TBC1D5: variants seen among roughly 807,000 people sequenced by gnomAD.
TBC1D5 encodes the protein TBC1 domain family, member 5.
A neutral mutation model predicts 100.3 loss-of-function variants in TBC1D5; 75 were observed. The ratio of observed to expected loss-of-function variants is 0.75; its 90% CI spans 0.62 to 0.91. The LOEUF (loss-of-function observed/expected upper bound fraction) is 0.91, where lower values mean the gene tolerates loss of function less well. Ranked by LOEUF, TBC1D5 falls within the 40% of genes least tolerant of loss-of-function variation. TBC1D5 has a pLI of 0.00. For synonymous variants in TBC1D5, 323 were observed against 325.6 expected (o/e 0.99, Z 0.09); for missense variants, 910 against 942.4 (o/e 0.97, Z 0.45).
intron 13 of TBC1D5, among the ~76,000 whole-genome samples, chr3:17,353,420 T>C (rs541388744): frequency 6.6e-6 from 1 of 152,164 alleles, no homozygotes; most frequent in East Asian, 1.9e-4. Flanking sequence ...AATTTTGAAA[T>C]CTGTATTAGG....
At chr3:17,559,527 T>C (rs2096543864) in intron 2 of TBC1D5, among the ~76,000 whole-genome samples, 2 of 151,940 alleles carry the variant, frequency 1.3e-5, no homozygotes, top group Admixed American at 1.3e-4. Context: ...TAAGAGGAGA[T>C]AAAGATCATG....
intron 4 of TBC1D5, among the ~76,000 whole-genome samples, chr3:17,428,055 C>T (rs1257854879): frequency 6.6e-6 from 1 of 151,794 alleles, no homozygotes; most frequent in Admixed American, 6.6e-5. Flanking sequence ...CTCTTAGGCG[C>T]TCATGAGCGG....
intron 4 of TBC1D5, among the ~76,000 whole-genome samples, chr3:17,412,851 G>A (rs1164187432): frequency 1.3e-5 from 2 of 152,046 alleles, no homozygotes; most frequent in Admixed American, 6.6e-5. Context: ...ACCACTAAAG[G>A]GAAACATGAT....
chr3:17,608,126 G>A (rs796845147), intron 2 of TBC1D5, among the ~76,000 whole-genome samples: 30 of 152,202 alleles, frequency 2.0e-4, no homozygotes, highest in African/African-American at 6.0e-4. Context: ...GCATGGTGGC[G>A]CGTGCCTGTA....
chr3:17,593,861 C>A (rs866227735), intron 2 of TBC1D5, among the ~76,000 whole-genome samples: 3 of 152,276 alleles, frequency 2.0e-5, no homozygotes, highest in Middle Eastern at 6.8e-3. Context: ...GGGCAAAGTT[C>A]TCCAGAAGGC....
In TBC1D5 at chr3:17,429,063, T is replaced by C. The variant is rs188560538; in HGVS notation, c.98-544A>G. On this transcript the variant is annotated intron_variant, in intron 3 of 21. Coordinates refer to ENST00000253692, the Ensembl canonical transcript of TBC1D5. Reference sequence around the variant, plus strand: ...CTTTACAAAACTTTATCTGTTAACTTTAGGTTTCAACTGTCAAAAGTTCGG... The same window carrying C: ...CTTTACAAAACTTTATCTGTTAACTCTAGGTTTCAACTGTCAAAAGTTCGG... Among the ~76,000 whole-genome samples the C allele has an allele frequency of 1.0e-3, 154 of 152,050 alleles. 2 individuals carry two copies. The South Asian group carries it at 0.018, about 18-fold the overall frequency.
intron 2 of TBC1D5, among the ~76,000 whole-genome samples, chr3:17,614,339 C>A: frequency 6.6e-6 from 1 of 152,146 alleles, no homozygotes; most frequent in East Asian, 1.9e-4. Context: ...CAGCTTTGTT[C>A]TCTTCGCTTA....
intron 3 of TBC1D5, among the ~76,000 whole-genome samples, chr3:17,434,495 C>A (rs2094500335): frequency 6.6e-6 from 1 of 152,166 alleles, no homozygotes; most frequent in South Asian, 2.1e-4. Context: ...GCTGAAGCAG[C>A]TGGGATCCAG....
intron 8 of TBC1D5, among the ~76,000 whole-genome samples, chr3:17,401,946 C>G (rs145697848): frequency 4.2e-4 from 64 of 152,200 alleles, no homozygotes; most frequent in African/African-American, 1.4e-3. Flanking sequence ...GCTCTACTTT[C>G]TGCACCTATA....
intron 2 of TBC1D5, among the ~76,000 whole-genome samples, chr3:17,532,238 C>T (rs1203706992): frequency 6.6e-6 from 1 of 152,172 alleles, no homozygotes; most frequent in Non-Finnish European, 1.5e-5. Context: ...TGAAAAAATG[C>T]TCATCATCAC....
chr3:17,716,967 G>C (rs2075292043), intron 1 of TBC1D5, among the ~76,000 whole-genome samples: 1 of 152,140 alleles, frequency 6.6e-6, no homozygotes, highest in Non-Finnish European at 1.5e-5. Context: ...TGAGGAAAGA[G>C]GGACCTGACT....
intron 1 of TBC1D5, among the ~76,000 whole-genome samples, chr3:17,678,436 T>C (rs1469522699): frequency 1.3e-5 from 2 of 152,054 alleles, no homozygotes; most frequent in African/African-American, 4.8e-5. Context: ...AAGGTGTATT[T>C]CACAAGGACA....
At chr3:17,493,476 G>T (rs1234089754) in intron 3 of TBC1D5, among the ~76,000 whole-genome samples, 1 of 152,082 alleles carries the variant, frequency 6.6e-6, no homozygotes, top group African/African-American at 2.4e-5. Context: ...GGCATGTCTT[G>T]CTAGGTTGGG....
chr3:17,493,839 T>C (rs2095668654), intron 3 of TBC1D5, among the ~76,000 whole-genome samples: 1 of 152,206 alleles, frequency 6.6e-6, no homozygotes, highest in South Asian at 2.1e-4. Context: ...TATTTTATCA[T>C]AGTTCTTAGC....
At chr3:17,476,948 T>C (rs1210465566) in intron 3 of TBC1D5, among the ~76,000 whole-genome samples, 2 of 152,016 alleles carry the variant, frequency 1.3e-5, no homozygotes, top group African/African-American at 4.8e-5. Flanking sequence ...AACTAAATTA[T>C]TAAATTCTAA....
intron 13 of TBC1D5, among the ~76,000 whole-genome samples, chr3:17,344,113 A>G (rs953305639): frequency 1.3e-5 from 2 of 152,004 alleles, no homozygotes; most frequent in Admixed American, 1.3e-4. Flanking sequence ...AGTGCTATAA[A>G]TTTCCCAAAT....
At chr3:17,716,812 T>C (rs1424350412) in intron 1 of TBC1D5, among the ~76,000 whole-genome samples, 1 of 152,174 alleles carries the variant, frequency 6.6e-6, no homozygotes. Flanking sequence ...AGAGAGAATA[T>C]CTACCATTTG....
intron 1 of TBC1D5, among the ~76,000 whole-genome samples, chr3:17,653,394 C>A (rs1477137044): frequency 6.6e-6 from 1 of 152,070 alleles, no homozygotes; most frequent in Non-Finnish European, 1.5e-5. Flanking sequence ...CTGAGTGTAT[C>A]AGAGGACATC....
At chr3:17,439,327 T>A (rs1383428634) in intron 3 of TBC1D5, among the ~76,000 whole-genome samples, 1 of 152,216 alleles carries the variant, frequency 6.6e-6, no homozygotes, top group East Asian at 1.9e-4. Flanking sequence ...TAGCTGATCC[T>A]ATCTGTGTCT....
Sources: gnomAD v4.1 joint callset for allele counts (sites outside exome capture counted in the v4.1 genomes callset) on GRCh38, gnomAD v4.1.1 for gene constraint, MANE v1.5 for transcripts, NCBI Gene and HGNC (gene_info 2026-07-23, HGNC 2026-07-21) for gene names.